The following PKNOX2 variants were observed in gnomAD, a reference collection of about 807,000 sequenced individuals.
PKNOX2 encodes the protein homeobox protein PKNOX2.
PKNOX2 carries 14 observed loss-of-function variants against 53.1 expected under a neutral mutation model. That is an observed-to-expected ratio of 0.26 (90% confidence interval 0.17 to 0.41). The LOEUF is 0.41. Among genes scored for constraint, PKNOX2 ranks in the 10% least tolerant of loss-of-function variants. The pLI is 1.00. For synonymous variants in PKNOX2, 257 were observed against 242.8 expected (o/e 1.06, Z -0.54); for missense variants, 496 against 602.8 (o/e 0.82, Z 1.85).
At chr11:125,332,130 T>C (rs188424623) in intron 3 of PKNOX2, among the ~76,000 whole-genome samples, 1 of 152,288 alleles carries the variant, frequency 6.6e-6, no homozygotes, top group African/African-American at 2.4e-5. Context: ...CTTATTCCTG[T>C]CTCTTTTCAT....
intron 1 of PKNOX2, among the ~76,000 whole-genome samples, chr11:125,177,867 G>T (rs1027133550): frequency 6.6e-6 from 1 of 152,150 alleles, no homozygotes; most frequent in Non-Finnish European, 1.5e-5. Flanking sequence ...GCAGTGCTCT[G>T]GGTGTCTTGG....
intron 2 of PKNOX2, among the ~76,000 whole-genome samples, chr11:125,268,162 C>T (rs1945504423): frequency 6.6e-6 from 1 of 152,206 alleles, no homozygotes; most frequent in African/African-American, 2.4e-5. Context: ...CCTGCCCCTC[C>T]CTGCTCTCAT....
chr11:125,354,499 GA>G (rs1951492739), intron 4 of PKNOX2, among the ~76,000 whole-genome samples: 1 of 152,124 alleles, frequency 6.6e-6, no homozygotes, highest in Non-Finnish European at 1.5e-5. Flanking sequence ...TCCCCCAAAT[GA>G]AAAAGGAAGC....
chr11:125,230,681 G>A (rs1436336400), intron 1 of PKNOX2, among the ~76,000 whole-genome samples: 1 of 152,182 alleles, frequency 6.6e-6, no homozygotes, highest in Non-Finnish European at 1.5e-5. Context: ...CTTGTCATGG[G>A]CAGTAGGATG....
chr11:125,195,462 A>G (rs535332202), intron 1 of PKNOX2, among the ~76,000 whole-genome samples: 1 of 152,280 alleles, frequency 6.6e-6, no homozygotes, highest in Non-Finnish European at 1.5e-5. Flanking sequence ...GACTTTCAGC[A>G]GTCGGCAGTG....
intron 1 of PKNOX2, among the ~76,000 whole-genome samples, chr11:125,222,629 G>GTGTGTGTGTGCA (rs1555120664): frequency 2.0e-5 from 3 of 149,570 alleles, no homozygotes; most frequent in African/African-American, 7.4e-5. Context: ...GTGTATGTGT[G>GTGTGTGTGTGCA]TGTGTATGTG....
chr11:125,413,012 C>T (rs565352044), intron 10 of PKNOX2, among the ~76,000 whole-genome samples: 12 of 152,126 alleles, frequency 7.9e-5, no homozygotes, highest in African/African-American at 2.9e-4. Flanking sequence ...TCCTGTGCAC[C>T]CAAGAGACTG....
In PKNOX2 at chr11:125,432,778, T is replaced by C. The variant is rs892917050; in HGVS notation, c.*1386T>C. The C allele has an allele frequency of 3.9e-5, 6 of 152,626 alleles. No homozygotes were observed. The highest frequency in any genetic ancestry group is 9.7e-5 in the African/African-American group (4 of 41,448). 9.5% of individuals were successfully genotyped at this position (152,626 alleles called of 1,614,324 possible). A position where few individuals can be genotyped will look rare whatever the true frequency, so the allele number is the denominator to read the frequency against. On this transcript the variant is annotated 3_prime_UTR_variant, in exon 13 of 13. Transcript: ENST00000298282. ...GGACAGGTCACACGTGTGTTTTCCATTGGGTTTAATTTAATGGACGTGCAG... is the reference window on the plus strand; with the variant it reads ...GGACAGGTCACACGTGTGTTTTCCACTGGGTTTAATTTAATGGACGTGCAG...
At chr11:125,402,270 C>A (rs1417943765) in intron 7 of PKNOX2, among the ~76,000 whole-genome samples, 2 of 152,066 alleles carry the variant, frequency 1.3e-5, no homozygotes, top group African/African-American at 2.4e-5. Flanking sequence ...CCCAATGACA[C>A]CCAGGCTTCC....
chr11:125,209,498 G>T (rs1323486142), intron 1 of PKNOX2, among the ~76,000 whole-genome samples: 1 of 152,032 alleles, frequency 6.6e-6, no homozygotes, highest in Non-Finnish European at 1.5e-5. Flanking sequence ...GGAGGGTTCT[G>T]CTTTTGGGGT....
At chr11:125,328,362 T>TGA (rs140583326) in intron 2 of PKNOX2, among the ~76,000 whole-genome samples, 27 of 132,488 alleles carry the variant, frequency 2.0e-4, no homozygotes, top group Non-Finnish European at 3.4e-4. Context: ...AGAGAGTGAG[T>TGA]GAGAGAGAGA....
At chr11:125,234,833 C>T (rs757320504) in intron 1 of PKNOX2, among the ~76,000 whole-genome samples, 15 of 152,126 alleles carry the variant, frequency 9.9e-5, no homozygotes, top group Non-Finnish European at 1.8e-4. Context: ...ATGAACCTCT[C>T]GCTCTGCCCT....
At chr11:125,304,467 G>A (rs1238341563) in intron 2 of PKNOX2, among the ~76,000 whole-genome samples, 1 of 152,244 alleles carries the variant, frequency 6.6e-6, no homozygotes, top group East Asian at 1.9e-4. Context: ...GGAGCAGCCT[G>A]AGAGGCACGG....
chr11:125,214,954 C>A (rs1302762144), intron 1 of PKNOX2, among the ~76,000 whole-genome samples: 3 of 151,986 alleles, frequency 2.0e-5, no homozygotes, highest in African/African-American at 4.8e-5. Flanking sequence ...CAGGGGCCTG[C>A]GGGGTCAGGG....
intron 3 of PKNOX2, among the ~76,000 whole-genome samples, chr11:125,341,359 C>CAAA (rs375652054): frequency 9.7e-6 from 1 of 103,034 alleles, no homozygotes; most frequent in Non-Finnish European, 2.1e-5. Flanking sequence ...GATTCCGTCT[C>CAAA]AAAAAAAAAA....
intron 2 of PKNOX2, among the ~76,000 whole-genome samples, chr11:125,305,764 TGTG>T (rs745473373): frequency 2.6e-5 from 4 of 151,964 alleles, no homozygotes; most frequent in Non-Finnish European, 4.4e-5. Flanking sequence ...CCGACTGAAG[TGTG>T]GTGGTTATGA....
At chr11:125,178,576 AG>A (rs1475014370) in intron 1 of PKNOX2, among the ~76,000 whole-genome samples, 7 of 30,266 alleles carry the variant, frequency 2.3e-4, no homozygotes, top group African/African-American at 2.6e-4. Context: ...GAAGGAAGGA[AG>A]GAAGGAAGGA....
intron 6 of PKNOX2, among the ~76,000 whole-genome samples, chr11:125,397,076 G>A (rs1954453987): frequency 6.6e-6 from 1 of 152,092 alleles, no homozygotes; most frequent in Non-Finnish European, 1.5e-5. Flanking sequence ...GATAATAACA[G>A]CAGTAAAGAG....
rs562273980 is a variant in PKNOX2 at position 125,209,513 on chromosome 11, G to C, written c.-200-25532G>C. ...GGAGGGTTCTGCTTTTGGGGTAGTA[G>C]GAAAGAAGAGGAAGGTTAAAGACAT... On this transcript the variant is annotated intron_variant, in intron 1 of 12. Coordinates refer to ENST00000298282, the MANE Select transcript of PKNOX2 (RefSeq NM_001382323.2). Among the ~76,000 whole-genome samples, 4 of 152,034 alleles carry C rather than the reference G, an allele frequency of 2.6e-5. No homozygotes were observed. In the South Asian group the frequency reaches 6.3e-4, roughly 24 times the overall value.
Sources: gnomAD v4.1 joint callset for allele counts (sites outside exome capture counted in the v4.1 genomes callset) on GRCh38, gnomAD v4.1.1 for gene constraint, MANE v1.5 for transcripts, NCBI Gene and HGNC (gene_info 2026-07-23, HGNC 2026-07-21) for gene names.